Variants in ERLIN1 observed in about 807,000 individuals in gnomAD.
ERLIN1 encodes the protein ER lipid raft associated 1, also known as erlin-1.
In ERLIN1, 24 loss-of-function variants were observed where a neutral mutation model predicts 46.9. The ratio of observed to expected loss-of-function variants is 0.51; its 90% confidence interval spans 0.37 to 0.72. The LOEUF (loss-of-function observed/expected upper bound fraction) is 0.72. Ranked by LOEUF, ERLIN1 falls within the 30% of genes least tolerant of loss-of-function variation. The pLI, the probability that ERLIN1 is intolerant of heterozygous loss-of-function variation, is 0.00. For synonymous variants in ERLIN1, 158 were observed against 143.2 expected (o/e 1.10, Z -0.74); for missense variants, 293 against 417.9 (o/e 0.70, Z 2.61).
intron 8 of ERLIN1, among the ~76,000 whole-genome samples, chr10:100,161,775 G>T (rs1393183598): frequency 6.6e-6 from 1 of 152,110 alleles, no homozygotes; most frequent in Non-Finnish European, 1.5e-5. Context: ...AATAAATTAT[G>T]TATAGTATCT....
intron 10 of ERLIN1, among the ~76,000 whole-genome samples, chr10:100,152,752 G>C (rs1452425470): frequency 2.0e-5 from 3 of 152,028 alleles, no homozygotes; most frequent in African/African-American, 7.2e-5. Context: ...GTAGAGATGG[G>C]GTCTATGTTG....
chr10:100,176,832 T>A (rs1844335809), intron 4 of ERLIN1, among the ~76,000 whole-genome samples: 1 of 152,126 alleles, frequency 6.6e-6, no homozygotes, highest in Non-Finnish European at 1.5e-5. Flanking sequence ...GCAACTGGAT[T>A]TCAAATCCGA....
At chr10:100,164,347 T>G (rs1843518783) in intron 7 of ERLIN1, among the ~76,000 whole-genome samples, 2 of 152,258 alleles carry the variant, frequency 1.3e-5, no homozygotes, top group Admixed American at 6.5e-5. Context: ...TTTGGCTTTC[T>G]TCTCCTAGTT....
intron 10 of ERLIN1, among the ~76,000 whole-genome samples, chr10:100,152,711 T>A (rs1842871316): frequency 6.6e-6 from 1 of 152,220 alleles, no homozygotes; most frequent in Non-Finnish European, 1.5e-5. Context: ...TTCTGTTGAT[T>A]CTCTTTTCTA....
chr10:100,155,075 G>T, intron 9 of ERLIN1, 136 bp from the exon 10 acceptor site: 1 of 665,502 alleles, frequency 1.5e-6, no homozygotes, highest in East Asian at 2.8e-5. Context: ...TCAAGTCCCA[G>T]TCCCCAAACA....
chr10:100,181,589 ACT>A (rs773690400), intron 2 of ERLIN1, among the ~76,000 whole-genome samples: 33 of 141,684 alleles, frequency 2.3e-4, no homozygotes, highest in Non-Finnish European at 4.2e-4. Context: ...ATCTCGGCTC[ACT>A]GCAACCTCGG....
intron 10 of ERLIN1, 47 bp from the exon 11 acceptor site, chr10:100,152,399 A>AG (rs775159791): frequency 5.7e-6 from 6 of 1,046,018 alleles, no homozygotes; most frequent in Non-Finnish European, 9.1e-6. Context: ...ACTCTGGTGC[A>AG]ACAGTCTTCT....
intron 5 of ERLIN1, 113 bp from the exon 6 acceptor site, chr10:100,174,394 C>A: frequency 1.3e-6 from 1 of 752,556 alleles, no homozygotes. Flanking sequence ...CAGTACTATT[C>A]TTTTACAGAG....
chr10:100,174,202 A>C lies in ERLIN1; in HGVS notation c.504+6T>G, dbSNP rs1173567049. 1 of 1,550,520 alleles carries C rather than the reference A, an allele frequency of 6.4e-7. No homozygotes were observed. The highest frequency in any genetic ancestry group is 8.8e-7 in the Non-Finnish European group (1 of 1,142,064). Reference sequence around the variant, plus strand: ...CCCAGAGAACTTCCCTAGGAAAAGAACTTACCTGTATAGTGAGACCTGGGG... The same window carrying C: ...CCCAGAGAACTTCCCTAGGAAAAGACCTTACCTGTATAGTGAGACCTGGGG... On this transcript the variant is annotated splice_donor_region_variant and intron_variant, in intron 6 of 10. Coordinates refer to ENST00000421367, the MANE Select transcript of ERLIN1 (RefSeq NM_006459.4).
intron 8 of ERLIN1, among the ~76,000 whole-genome samples, chr10:100,158,661 G>A (rs1843198416): frequency 6.6e-6 from 1 of 152,094 alleles, no homozygotes; most frequent in Non-Finnish European, 1.5e-5. Flanking sequence ...ATTGATGGGA[G>A]GATAAAGACA....
Position 100,185,782 on chromosome 10 carries a change from T to C in ERLIN1, c.-156A>G. On this transcript the variant is annotated 5_prime_UTR_variant, in exon 1 of 11. Coordinates refer to ENST00000421367, the MANE Select transcript of ERLIN1 (RefSeq NM_006459.4). ...CCCCTGTCCCCTCATTCTTCCCTTC[T>C]GGCTGAGCCCGCTGACCCCTTGCCA... 3.2e-6 allele frequency: 2 copies of C among 629,312 alleles called. No individual in the cohort carries two copies. Among genetic ancestry groups the C allele is most frequent in the Admixed American group, 2.8e-5 (1 of 35,500 alleles). The allele number at this position is 629,312 out of a possible 1,614,324, so 39.0% of individuals were successfully genotyped here.
chr10:100,184,908 TGTG>T (rs1017348060), intron 1 of ERLIN1, among the ~76,000 whole-genome samples: 1 of 152,066 alleles, frequency 6.6e-6, no homozygotes, highest in South Asian at 2.1e-4. Flanking sequence ...AAAAGGAACT[TGTG>T]GTAATTAGGC....
At chr10:100,169,414 GA>G (rs149964161) in intron 6 of ERLIN1, among the ~76,000 whole-genome samples, 10,877 of 146,762 alleles carry the variant, frequency 0.074, 683 homozygotes, top group African/African-American at 0.17. Flanking sequence ...AATAACATAG[GA>G]AAAAAAAAAT....
intron 6 of ERLIN1, among the ~76,000 whole-genome samples, chr10:100,170,132 C>A (rs915518357): frequency 2.6e-5 from 4 of 151,994 alleles, no homozygotes; most frequent in Non-Finnish European, 5.9e-5. Flanking sequence ...ACAGCAAAGG[C>A]CATTATTTTT....
At chr10:100,153,630 C>T (rs1842920140) in intron 10 of ERLIN1, among the ~76,000 whole-genome samples, 1 of 152,196 alleles carries the variant, frequency 6.6e-6, no homozygotes, top group Non-Finnish European at 1.5e-5. Context: ...CGAAACACTC[C>T]AATCAAATCT....
intron 2 of ERLIN1, among the ~76,000 whole-genome samples, chr10:100,182,795 G>A (rs923630361): frequency 4.6e-5 from 7 of 152,210 alleles, no homozygotes; most frequent in African/African-American, 1.4e-4. Flanking sequence ...ATTTAGACAG[G>A]AGAAAAGGAA....
chr10:100,153,775 C>A (rs1564795556), intron 10 of ERLIN1, among the ~76,000 whole-genome samples: 2 of 152,190 alleles, frequency 1.3e-5, no homozygotes, highest in Non-Finnish European at 2.9e-5. Flanking sequence ...GGTCTTGAAA[C>A]TTGTGCCTGA....
Position 100,185,828 on chromosome 10 carries a change from C to T in ERLIN1, c.-202G>A. 1.7e-6 allele frequency: 1 copy of T among 590,102 alleles called. No individual in the cohort carries two copies. The highest frequency in any genetic ancestry group is 2.9e-5 in the East Asian group (1 of 34,840). 36.6% of individuals were successfully genotyped at this position (590,102 alleles called of 1,614,324 possible). ...TGCCAACTCCTCCGCCCCCGGAGGC[C>T]AGTGGGCCGCCCCTGCTCGGTGAGC... is the stretch of plus-strand genomic sequence containing the variant. On this transcript the variant is annotated 5_prime_UTR_variant, in exon 1 of 11. Transcript: ENST00000421367.
chr10:100,180,344 G>A (rs1447263191), intron 2 of ERLIN1, among the ~76,000 whole-genome samples: 1 of 152,112 alleles, frequency 6.6e-6, no homozygotes, highest in African/African-American at 2.4e-5. Context: ...ATCCAGCACA[G>A]GAGACAAAAT....
Sources: allele counts gnomAD v4.1 joint callset (sites outside exome capture counted in the v4.1 genomes callset), GRCh38; gene constraint gnomAD v4.1.1; transcripts MANE v1.5; gene names NCBI Gene and HGNC (gene_info 2026-07-23, HGNC 2026-07-21).